The following NPAS3 variants were observed in gnomAD, a reference collection of about 807,000 sequenced individuals.
The protein encoded by NPAS3 is neuronal PAS domain protein 3, also known as neuronal PAS domain-containing protein 3.
A neutral mutation model predicts 73.1 loss-of-function variants in NPAS3; 14 were observed. That is an observed-to-expected ratio of 0.19 (90% CI 0.13 to 0.30). The LOEUF is 0.30. NPAS3 is among the 10% of genes least tolerant of loss of function. The probability of loss-of-function intolerance (pLI) is 1.00; values close to 1 mark genes in which losing one functional copy is unlikely to be tolerated. For missense variants in NPAS3, 1,096 were observed against 1,250.0 expected (o/e 0.88, Z 1.86); for synonymous variants, 620 against 541.5 (o/e 1.14, Z -2.01).
intron 1 of NPAS3, among the ~76,000 whole-genome samples, chr14:33,038,673 C>T (rs887121220): frequency 2.5e-4 from 38 of 152,158 alleles, no homozygotes; most frequent in Non-Finnish European, 4.3e-4. Context: ...ATGTTGGGTA[C>T]GCACACTGGA....
intron 4 of NPAS3, among the ~76,000 whole-genome samples, chr14:33,523,084 A>G (rs1441633524): frequency 6.6e-6 from 1 of 152,184 alleles, no homozygotes; most frequent in East Asian, 1.9e-4. Context: ...TTAGACAAAT[A>G]CTGTCTACTC....
intron 4 of NPAS3, among the ~76,000 whole-genome samples, chr14:33,539,015 G>T (rs1029065778): frequency 6.6e-6 from 1 of 152,166 alleles, no homozygotes; most frequent in South Asian, 2.1e-4. Flanking sequence ...AACCTCTCAA[G>T]CATCATCTAG....
chr14:33,379,508 G>T (rs1214384563), intron 4 of NPAS3, among the ~76,000 whole-genome samples: 1 of 152,118 alleles, frequency 6.6e-6, no homozygotes, highest in African/African-American at 2.4e-5. Flanking sequence ...AGCCCTTGGT[G>T]GTAGCAGACA....
intron 4 of NPAS3, among the ~76,000 whole-genome samples, chr14:33,373,247 T>C (rs1340692690): frequency 6.6e-6 from 1 of 152,224 alleles, no homozygotes. Flanking sequence ...TTATATAAAG[T>C]TGCAATATTG....
At chr14:33,218,037 G>C (rs1437149968) in intron 3 of NPAS3, among the ~76,000 whole-genome samples, 2 of 151,966 alleles carry the variant, frequency 1.3e-5, no homozygotes, top group Admixed American at 6.6e-5. Context: ...TAACTTCTTA[G>C]TATGATTAAG....
intron 3 of NPAS3, among the ~76,000 whole-genome samples, chr14:33,336,029 G>A (rs904575624): frequency 2.6e-5 from 4 of 152,190 alleles, no homozygotes; most frequent in African/African-American, 7.2e-5. Context: ...ACTTTCTAAA[G>A]TCATCAGATC....
Position 33,470,933 on chromosome 14 carries a change from TAAAAA to T in NPAS3, c.469-89177_469-89173del, listed in dbSNP as rs59672930. 1.0e-3 allele frequency among the ~76,000 whole-genome samples: 146 copies of T among 140,860 alleles called. 1 individual carries two copies. The highest frequency in any genetic ancestry group is 5.5e-3 in the Admixed American group (78 of 14,236). 92.4% of individuals were successfully genotyped at this position (140,860 alleles called of 152,430 possible). A position where few individuals can be genotyped will look rare whatever the true frequency, so the allele number is the denominator to read the frequency against. ...TGATGCGGGATTTGTAGAGCATATT[TAAAAA>T]AAAAAAAAAAGAATGTTCTCTTTAT... On this transcript the variant is annotated intron_variant, in intron 4 of 11. Transcript: ENST00000356141.
chr14:33,280,689 G>A (rs2140059786), intron 3 of NPAS3, among the ~76,000 whole-genome samples: 1 of 152,294 alleles, frequency 6.6e-6, no homozygotes, highest in Admixed American at 6.5e-5. Context: ...TGTCAAGAAA[G>A]GAAGAAGGGG....
chr14:33,705,537 T>G (rs2060634157), intron 6 of NPAS3, among the ~76,000 whole-genome samples: 1 of 152,242 alleles, frequency 6.6e-6, no homozygotes, highest in Admixed American at 6.5e-5. Flanking sequence ...TTTCTTTTGT[T>G]GCAAAACCCG....
chr14:33,690,491 GCTC>G (rs1357944902), intron 6 of NPAS3, among the ~76,000 whole-genome samples: 1 of 152,066 alleles, frequency 6.6e-6, no homozygotes, highest in Non-Finnish European at 1.5e-5. Flanking sequence ...CAGGTGAAAG[GCTC>G]TATATATCCC....
At chr14:33,318,346 G>A (rs1032577006) in intron 3 of NPAS3, among the ~76,000 whole-genome samples, 4 of 152,062 alleles carry the variant, frequency 2.6e-5, no homozygotes, top group Non-Finnish European at 5.9e-5. Context: ...TGAGGGTAGC[G>A]AGGAATGGGG....
At chr14:33,133,155 C>T (rs1293605579) in intron 2 of NPAS3, among the ~76,000 whole-genome samples, 1 of 152,122 alleles carries the variant, frequency 6.6e-6, no homozygotes, top group Non-Finnish European at 1.5e-5. Flanking sequence ...ATGTTATCAT[C>T]ATATAATTGG....
At chr14:33,797,522 C>T (rs761963118) in exon 11 of NPAS3, 2 of 1,614,046 alleles carry the variant, frequency 1.2e-6, no homozygotes, top group Admixed American at 3.3e-5. Context: ...GAGAAAACTT[C>T]CGAATCCTCG....
intron 2 of NPAS3, among the ~76,000 whole-genome samples, chr14:33,185,555 T>G (rs1349728014): frequency 6.6e-6 from 1 of 152,202 alleles, no homozygotes; most frequent in Non-Finnish European, 1.5e-5. Context: ...AGGTATTATA[T>G]AGGAATGGTG....
intron 1 of NPAS3, among the ~76,000 whole-genome samples, chr14:32,996,966 A>G (rs113846648): frequency 7.9e-5 from 12 of 152,236 alleles, no homozygotes; most frequent in Non-Finnish European, 1.2e-4. Context: ...CAGACACTCA[A>G]TGCCAGCCCA....
intron 4 of NPAS3, among the ~76,000 whole-genome samples, chr14:33,369,957 AT>A (rs2046013397): frequency 6.6e-6 from 1 of 152,174 alleles, no homozygotes; most frequent in African/African-American, 2.4e-5. Context: ...TGGTTGGTCC[AT>A]AAAGACTGGA....
At chr14:33,600,987 G>T (rs144123205) in intron 5 of NPAS3, among the ~76,000 whole-genome samples, 43 of 152,120 alleles carry the variant, frequency 2.8e-4, no homozygotes, top group Non-Finnish European at 5.3e-4. Context: ...TTTTTCAAAA[G>T]GTTCTAACAG....
chr14:33,753,647 C>T (rs1300199908), intron 7 of NPAS3, among the ~76,000 whole-genome samples: 1 of 152,156 alleles, frequency 6.6e-6, no homozygotes, highest in South Asian at 2.1e-4. Flanking sequence ...CAATACCCTA[C>T]AAAGCAAGAA....
At chr14:33,239,732 C>G (rs2048156692) in intron 3 of NPAS3, among the ~76,000 whole-genome samples, 1 of 151,868 alleles carries the variant, frequency 6.6e-6, no homozygotes, top group Non-Finnish European at 1.5e-5. Context: ...AATATTTGCC[C>G]ATTATTGCAT....
Sources: gnomAD v4.1 joint callset for allele counts (sites outside exome capture counted in the v4.1 genomes callset) on GRCh38, gnomAD v4.1.1 for gene constraint, MANE v1.5 for transcripts, NCBI Gene and HGNC (gene_info 2026-07-23, HGNC 2026-07-21) for gene names.